Variants in RSL24D1 observed in about 807,000 individuals in gnomAD.
RSL24D1 encodes the protein probable ribosome biogenesis protein RLP24.
In RSL24D1, 6 loss-of-function variants were observed where a neutral mutation model predicts 26.2. The observed-to-expected ratio is 0.23, with a 90% CI of 0.13 to 0.45. The LOEUF is 0.45. RSL24D1 is among the 20% of genes least tolerant of loss of function. The probability of loss-of-function intolerance (pLI) is 0.99; values close to 1 mark genes in which losing one functional copy is unlikely to be tolerated. For synonymous variants in RSL24D1, 61 were observed against 59.1 expected, an observed-to-expected ratio of 1.03 and a Z score of -0.15; for missense variants, 176 against 202.6, an observed-to-expected ratio of 0.87 and a Z score of 0.80.
At chr15:55,188,474 C>A (rs1174035425) in intron 3 of RSL24D1, among the ~76,000 whole-genome samples, 1 of 152,178 alleles carries the variant, frequency 6.6e-6, no homozygotes, top group African/African-American at 2.4e-5. Context: ...GAGAATGAGA[C>A]TCTGTAATAA....
At chr15:55,182,569 G>C (rs573482634) in intron 5 of RSL24D1, among the ~76,000 whole-genome samples, 2 of 152,252 alleles carry the variant, frequency 1.3e-5, no homozygotes, top group East Asian at 3.9e-4. Context: ...CAAGGTGCCT[G>C]CTCTTAACAC....
chr15:55,191,136 T>A (rs758028044), intron 2 of RSL24D1, 89 bp from the exon 3 acceptor site: 32 of 905,104 alleles, frequency 3.5e-5, no homozygotes, highest in Admixed American at 1.4e-4. Context: ...TTCCTAAGTG[T>A]TCTAAATGAA....
At chr15:55,196,514 G>C (rs757417422) in intron 1 of RSL24D1, 51 of 579,640 alleles carry the variant, frequency 8.8e-5, no homozygotes, top group Non-Finnish European at 1.6e-4. Flanking sequence ...TGGCCAAACA[G>C]CCCTCACAGA....
intron 3 of RSL24D1, 76 bp downstream of exon 3, chr15:55,190,895 CAACA>C: frequency 1.1e-6 from 1 of 900,422 alleles, no homozygotes; most frequent in Non-Finnish European, 1.7e-6. Flanking sequence ...AATATTTAAA[CAACA>C]AACTGACACT....
chr15:55,184,418 TA>T (rs1269374746), intron 4 of RSL24D1, among the ~76,000 whole-genome samples: 1 of 152,134 alleles, frequency 6.6e-6, no homozygotes, highest in Non-Finnish European at 1.5e-5. Context: ...GTAATATGAA[TA>T]AAGGAATAAA....
rs186900104 is a variant in RSL24D1 at position 55,191,274 on chromosome 15, A to G, written c.196-227T>C. 3.9e-5 allele frequency among the ~76,000 whole-genome samples: 6 copies of G among 152,302 alleles called. No individual in the cohort carries two copies. The East Asian group carries it at 1.2e-3, about 29-fold the overall frequency. ...GTGATTCTCAAAGAGAAAGGAGGAG[A>G]CAGTAACACCCCCATCCCTCAGAAG... On this transcript the variant is annotated intron_variant, in intron 2 of 5. Transcript: ENST00000260443.
At chr15:55,189,553 C>T (rs955281091) in intron 3 of RSL24D1, among the ~76,000 whole-genome samples, 2 of 152,160 alleles carry the variant, frequency 1.3e-5, no homozygotes, top group Admixed American at 6.5e-5. Flanking sequence ...GACCAACCCA[C>T]GGCCCAATAT....
Position 55,183,604 on chromosome 15 carries a change from C to T in RSL24D1, c.333-204G>A, listed in dbSNP as rs986467647. On this transcript the variant is annotated intron_variant, in intron 4 of 5. Coordinates refer to ENST00000260443, the MANE Select transcript of RSL24D1 (RefSeq NM_016304.3). ...AGCAGGAGCATCAACACCAAGTGAACAGAGCCTCTCAGTCCTCTCACATTA... is the reference window on the plus strand; with the variant it reads ...AGCAGGAGCATCAACACCAAGTGAATAGAGCCTCTCAGTCCTCTCACATTA... Among the ~76,000 whole-genome samples the T allele has an allele frequency of 2.6e-5, 4 of 152,164 alleles. No homozygotes were observed. The East Asian group carries it at 5.8e-4, about 22-fold the overall frequency.
In RSL24D1 at chr15:55,184,922, G is replaced by A. The variant is rs113759192; in HGVS notation, c.332+440C>T. ...TAGTCTTCAAAACTATCAATGTCAC[G>A]TAAAAGAAAGATGAGAAACTGTCCA... On this transcript the variant is annotated intron_variant, in intron 4 of 5. Coordinates refer to ENST00000260443, the MANE Select transcript of RSL24D1 (RefSeq NM_016304.3). Among the ~76,000 whole-genome samples the A allele has an allele frequency of 9.5e-4, 145 of 152,216 alleles. 1 individual carries two copies. Among genetic ancestry groups the A allele is most frequent in the African/African-American group, 3.3e-3 (136 of 41,536 alleles).
chr15:55,185,449 C>G, intron 3 of RSL24D1, 24 bp from the exon 4 acceptor site: 1 of 1,559,540 alleles, frequency 6.4e-7, no homozygotes, highest in Non-Finnish European at 8.8e-7. Flanking sequence ...CATGAGTTAG[C>G]AAATGTATGC....
Position 55,185,442 on chromosome 15 carries a change from G to A in RSL24D1, c.269-17C>T. The A allele has an allele frequency of 6.3e-7, 1 of 1,596,894 alleles. No individual in the cohort carries two copies. Among genetic ancestry groups the A allele is most frequent in the Non-Finnish European group, 8.5e-7 (1 of 1,171,616 alleles). ...TCGCATCAACTACAAAAAAATTCATGAGTTAGCAAATGTATGCACATTCAA... is the reference window on the plus strand; with the variant it reads ...TCGCATCAACTACAAAAAAATTCATAAGTTAGCAAATGTATGCACATTCAA... On this transcript the variant is annotated splice_polypyrimidine_tract_variant and intron_variant, in intron 3 of 5. Coordinates refer to ENST00000260443, the MANE Select transcript of RSL24D1 (RefSeq NM_016304.3).
rs1262768278 is a variant in RSL24D1 at position 55,196,882 on chromosome 15, G to C, written c.9C>G (p.Ile3Met). ...GCCCCGAACAGAAATAACACTTTTC[G>C]ATACGCATGTTGAACCCGCGTGTAA... is the stretch of plus-strand genomic sequence containing the variant. Reference protein sequence around the residue: MRIEKCYFCSGPI... With the variant: MRMEKCYFCSGPI... The change falls in exon 1 of 6, where the codon ATC (isoleucine) becomes ATG (methionine). Residue 3 changes from isoleucine to methionine, a missense_variant. This residue lies in a region of RSL24D1 where 44 missense variants were observed against 28.8 expected (regional missense o/e 1.53). Coordinates refer to ENST00000260443, the MANE Select transcript of RSL24D1 (RefSeq NM_016304.3). The C allele has an allele frequency of 6.2e-7, 1 of 1,614,134 alleles. No individual in the cohort carries two copies. Among genetic ancestry groups the C allele is most frequent in the African/African-American group, 1.3e-5 (1 of 75,032 alleles).
chr15:55,187,768 TA>T (rs1179200394), intron 3 of RSL24D1, among the ~76,000 whole-genome samples: 1 of 151,494 alleles, frequency 6.6e-6, no homozygotes. Context: ...GGGTAAGGGG[TA>T]AAAACTATAG....
Position 55,196,908 on chromosome 15 carries a change from C to T in RSL24D1, c.-18G>A, listed in dbSNP as rs1183438089. 6.2e-7 allele frequency: 1 copy of T among 1,612,192 alleles called. No homozygotes were observed. Among genetic ancestry groups the T allele is most frequent in the Non-Finnish European group, 8.5e-7 (1 of 1,178,384 alleles). ...ATACGCATGTTGAACCCGCGTGTAA[C>T]CCCACCAAACAAACGCCAAGCTTGA... is the stretch of plus-strand genomic sequence containing the variant. On this transcript the variant is annotated 5_prime_UTR_variant, in exon 1 of 6. Transcript: ENST00000260443.
At chr15:55,193,179 G>C (rs1038645806) in intron 1 of RSL24D1, among the ~76,000 whole-genome samples, 17 of 152,136 alleles carry the variant, frequency 1.1e-4, no homozygotes, top group African/African-American at 4.1e-4. Flanking sequence ...CCTCAATGGG[G>C]ATAAAAGTTT....
chr15:55,189,283 T>C (rs955378131), intron 3 of RSL24D1, among the ~76,000 whole-genome samples: 6 of 152,070 alleles, frequency 3.9e-5, no homozygotes, highest in Admixed American at 1.3e-4. Context: ...AAGAATCCTA[T>C]AGTTAATCTC....
At chr15:55,188,929 C>G (rs146348016) in intron 3 of RSL24D1, among the ~76,000 whole-genome samples, 82 of 152,306 alleles carry the variant, frequency 5.4e-4, no homozygotes, top group Middle Eastern at 3.4e-3. Flanking sequence ...CGGAGGCTCA[C>G]GCCTGTAATC....
chr15:55,195,796 C>T (rs1217594593), intron 1 of RSL24D1, among the ~76,000 whole-genome samples: 1 of 152,164 alleles, frequency 6.6e-6, no homozygotes, highest in Non-Finnish European at 1.5e-5. Flanking sequence ...TCCCTTGGAT[C>T]TAATTAATGA....
At chr15:55,185,789 C>G (rs1209198806) in intron 3 of RSL24D1, among the ~76,000 whole-genome samples, 2 of 152,166 alleles carry the variant, frequency 1.3e-5, no homozygotes, top group East Asian at 1.9e-4. Context: ...ATAAAGACAG[C>G]ATCTTTCTGG....
Sources: allele counts gnomAD v4.1 joint callset (sites outside exome capture counted in the v4.1 genomes callset), GRCh38; gene constraint gnomAD v4.1.1; regional missense constraint gnomAD v4.1.1; transcripts MANE v1.5; gene names NCBI Gene and HGNC (gene_info 2026-07-23, HGNC 2026-07-21).